COL25A1: variants seen among roughly 807,000 people sequenced by gnomAD.
The protein encoded by COL25A1 is collagen alpha-1(XXV) chain.
COL25A1 carries 103 observed loss-of-function variants against 128.4 expected under a neutral mutation model. That is an observed-to-expected ratio of 0.80 (90% CI 0.68 to 0.94). The LOEUF is 0.94. COL25A1 is among the 40% of genes least tolerant of loss of function. The pLI, the probability that COL25A1 is intolerant of heterozygous loss-of-function variation, is 0.00. For missense variants in COL25A1, 745 were observed against 840.0 expected (o/e 0.89, Z 1.40); for synonymous variants, 279 against 277.2 (o/e 1.01, Z -0.06).
chr4:109,114,730 G>A (rs934602218), intron 3 of COL25A1, among the ~76,000 whole-genome samples: 2 of 152,092 alleles, frequency 1.3e-5, no homozygotes, highest in African/African-American at 2.4e-5. Context: ...CTAGAGAATG[G>A]GGTCTTTCCT....
At chr4:108,940,740 C>T in intron 9 of COL25A1, 94 bp from the exon 10 acceptor site, 1 of 768,196 alleles carries the variant, frequency 1.3e-6, no homozygotes, top group Non-Finnish European at 2.1e-6. Flanking sequence ...ATCTAATTCA[C>T]ATTTACACTA....
At chr4:109,217,931 C>A (rs1312358636) in intron 3 of COL25A1, among the ~76,000 whole-genome samples, 3 of 152,136 alleles carry the variant, frequency 2.0e-5, no homozygotes, top group Non-Finnish European at 4.4e-5. Context: ...ACTAAACCCA[C>A]AGAAATGGAG....
intron 3 of COL25A1, among the ~76,000 whole-genome samples, chr4:109,254,098 A>G (rs1224049062): frequency 1.3e-5 from 2 of 151,960 alleles, no homozygotes; most frequent in Admixed American, 6.6e-5. Flanking sequence ...AGAAAAAAAA[A>G]AAAAAAAGAA....
chr4:108,880,762 A>C (rs1366260445), intron 19 of COL25A1, among the ~76,000 whole-genome samples: 1 of 152,208 alleles, frequency 6.6e-6, no homozygotes, highest in East Asian at 1.9e-4. Context: ...TCTGTTATGA[A>C]GTCTGCTCTA....
At chr4:108,902,051 T>C (rs10018644) in intron 13 of COL25A1, among the ~76,000 whole-genome samples, 3,404 of 152,146 alleles carry the variant, frequency 0.022, 109 homozygotes, top group African/African-American at 0.076. Flanking sequence ...TTCTTTCCAT[T>C]GAGGCTAGTA....
chr4:108,814,671 T>C (rs1197593636), intron 37 of COL25A1, among the ~76,000 whole-genome samples: 1 of 152,224 alleles, frequency 6.6e-6, no homozygotes, highest in East Asian at 1.9e-4. Flanking sequence ...CTTTGAGATA[T>C]ACACTTACAA....
chr4:109,124,073 A>G (rs1270277484), intron 3 of COL25A1, among the ~76,000 whole-genome samples: 1 of 152,154 alleles, frequency 6.6e-6, no homozygotes, highest in East Asian at 1.9e-4. Context: ...CTAGAAATAC[A>G]TAAGGAAAAA....
intron 13 of COL25A1, among the ~76,000 whole-genome samples, chr4:108,901,412 C>T (rs1256697801): frequency 6.6e-6 from 1 of 151,990 alleles, no homozygotes; most frequent in Admixed American, 6.6e-5. Context: ...AGGCAACTTA[C>T]CAGTGGAAAT....
At chr4:109,226,989 G>A (rs1010967580) in intron 3 of COL25A1, among the ~76,000 whole-genome samples, 3 of 152,102 alleles carry the variant, frequency 2.0e-5, no homozygotes, top group Non-Finnish European at 4.4e-5. Flanking sequence ...CTAATTGTGG[G>A]CACCCAGCTA....
At chr4:109,085,173 G>A (rs1764241101) in intron 3 of COL25A1, among the ~76,000 whole-genome samples, 1 of 151,958 alleles carries the variant, frequency 6.6e-6, no homozygotes, top group African/African-American at 2.4e-5. Flanking sequence ...TTGCAGCTGG[G>A]GCTCCATCAC....
At chr4:109,192,877 G>T (rs1775733500) in intron 3 of COL25A1, among the ~76,000 whole-genome samples, 1 of 151,590 alleles carries the variant, frequency 6.6e-6, no homozygotes, top group Non-Finnish European at 1.5e-5. Context: ...AAAAAGAAAA[G>T]GGAAGGTGGA....
At chr4:109,269,076 T>G (rs1353793312) in intron 3 of COL25A1, among the ~76,000 whole-genome samples, 1 of 81,394 alleles carries the variant, frequency 1.2e-5, no homozygotes, top group East Asian at 3.9e-4. Flanking sequence ...ATGCTATCCC[T>G]CCCCCCTCCC....
chr4:109,139,935 G>C (rs1345319847), intron 3 of COL25A1, among the ~76,000 whole-genome samples: 2 of 141,148 alleles, frequency 1.4e-5, no homozygotes, highest in Non-Finnish European at 3.0e-5. Flanking sequence ...TTGGTTTTTT[G>C]TCCTTGTGAT....
At chr4:108,916,313 C>T (rs1042896712) in intron 13 of COL25A1, among the ~76,000 whole-genome samples, 3 of 152,136 alleles carry the variant, frequency 2.0e-5, no homozygotes, top group Non-Finnish European at 4.4e-5. Context: ...CATAAAACTG[C>T]AAATATTAAC....
At chr4:109,221,496 G>GT (rs2126209854) in intron 3 of COL25A1, among the ~76,000 whole-genome samples, 1 of 152,268 alleles carries the variant, frequency 6.6e-6, no homozygotes, top group African/African-American at 2.4e-5. Context: ...AACCTAGCAT[G>GT]TTTTTGCTGA....
chr4:108,859,582 A>G, intron 24 of COL25A1, 74 bp downstream of exon 24: 1 of 1,249,388 alleles, frequency 8.0e-7, no homozygotes, highest in Non-Finnish European at 1.1e-6. Flanking sequence ...GTGGAAGCTC[A>G]TATTTGCACA....
intron 11 of COL25A1, 128 bp from the exon 12 acceptor site, chr4:108,920,732 G>GT (rs1745405194): frequency 1.1e-5 from 5 of 475,356 alleles, no homozygotes; most frequent in Non-Finnish European, 1.6e-5. Context: ...TCATATATCA[G>GT]GAAAAAAAAA....
intron 6 of COL25A1, among the ~76,000 whole-genome samples, chr4:108,978,272 C>T (rs1263365609): frequency 1.3e-5 from 2 of 152,232 alleles, no homozygotes; most frequent in African/African-American, 4.8e-5. Flanking sequence ...GCGGCTGCTT[C>T]GGACGCTCCG....
At chr4:109,290,587 T>C (rs941580765) in intron 3 of COL25A1, among the ~76,000 whole-genome samples, 1 of 152,086 alleles carries the variant, frequency 6.6e-6, no homozygotes, top group Non-Finnish European at 1.5e-5. Context: ...AGTATGTCTA[T>C]AGGGGTTGGG....
Sources: gnomAD v4.1 joint callset for allele counts (sites outside exome capture counted in the v4.1 genomes callset) on GRCh38, gnomAD v4.1.1 for gene constraint, MANE v1.5 for transcripts, NCBI Gene and HGNC (gene_info 2026-07-23, HGNC 2026-07-21) for gene names.